TMEM178B: variants seen among roughly 807,000 people sequenced by gnomAD.
TMEM178B encodes the protein transmembrane protein 178B.
In TMEM178B, 5 loss-of-function variants were observed where a neutral mutation model predicts 31.0. That is an observed-to-expected ratio of 0.16 (90% CI 0.08 to 0.34). TMEM178B has a LOEUF of 0.34. TMEM178B is among the 10% of genes least tolerant of loss of function. The probability of loss-of-function intolerance (pLI) is 1.00; values close to 1 mark genes in which losing one functional copy is unlikely to be tolerated. For missense variants in TMEM178B, 275 were observed against 400.3 expected (o/e 0.69, Z 2.67); for synonymous variants, 164 against 164.0 (o/e 1.00, Z 0.00).
intron 3 of TMEM178B, among the ~76,000 whole-genome samples, chr7:141,440,906 A>G (rs555779802): frequency 2.0e-5 from 3 of 152,266 alleles, no homozygotes; most frequent in South Asian, 2.1e-4. Flanking sequence ...TGGGGAAAAA[A>G]CGGATGTCCA....
intron 2 of TMEM178B, among the ~76,000 whole-genome samples, chr7:141,300,609 G>C (rs966802035): frequency 1.1e-4 from 17 of 152,042 alleles, no homozygotes; most frequent in Non-Finnish European, 2.2e-4. Flanking sequence ...TTAGTTTCTC[G>C]GATCCTCCCA....
At chr7:141,506,676 T>A in the TMEM178B span, among the ~76,000 whole-genome samples, 1 of 152,108 alleles carries the variant, frequency 6.6e-6, no homozygotes, top group Non-Finnish European at 1.5e-5. Context: ...CCCTCCCAAA[T>A]CTTATGTCCT....
intron 2 of TMEM178B, among the ~76,000 whole-genome samples, chr7:141,365,619 G>T (rs1422591999): frequency 6.6e-6 from 1 of 152,202 alleles, no homozygotes; most frequent in African/African-American, 2.4e-5. Context: ...AAATGGACTG[G>T]CCTGGCTTAC....
At chr7:141,226,304 C>T (rs1476252192) in intron 2 of TMEM178B, among the ~76,000 whole-genome samples, 3 of 152,072 alleles carry the variant, frequency 2.0e-5, no homozygotes, top group Non-Finnish European at 4.4e-5. Context: ...GACACCAGCC[C>T]CAAGTAGGTA....
At chr7:141,146,834 G>A (rs1020755787) in intron 1 of TMEM178B, among the ~76,000 whole-genome samples, 2 of 152,018 alleles carry the variant, frequency 1.3e-5, no homozygotes, top group East Asian at 1.9e-4. Flanking sequence ...TCCCTAAGCC[G>A]CAGAAGCATG....
intron 1 of TMEM178B, among the ~76,000 whole-genome samples, chr7:141,128,174 G>A (rs975832268): frequency 2.6e-5 from 4 of 152,190 alleles, no homozygotes; most frequent in Admixed American, 2.0e-4. Flanking sequence ...GGTGTAAACT[G>A]GGACTATCCC....
At chr7:141,147,175 A>G (rs1454373305) in intron 1 of TMEM178B, among the ~76,000 whole-genome samples, 2 of 152,154 alleles carry the variant, frequency 1.3e-5, no homozygotes, top group African/African-American at 4.8e-5. Context: ...AAAGATTGGT[A>G]GTAAAACCAA....
Position 141,384,131 on chromosome 7 carries a change from C to T in TMEM178B, c.497-53477C>T, listed in dbSNP as rs549761520. ...TTCCGGATATTAGCCCTTTGTCAGA[C>T]GAGTAGATTGCAAAAATTTTCTCCC... On this transcript the variant is annotated intron_variant, in intron 2 of 3. Transcript: ENST00000565468. Among the ~76,000 whole-genome samples the T allele has an allele frequency of 7.4e-4, 113 of 152,098 alleles. 1 individual carries two copies. The highest frequency in any genetic ancestry group is 3.4e-3 in the Middle Eastern group (1 of 294).
At chr7:141,431,520 G>A (rs1029465416) in intron 2 of TMEM178B, among the ~76,000 whole-genome samples, 18 of 151,896 alleles carry the variant, frequency 1.2e-4, no homozygotes, top group African/African-American at 3.9e-4. Context: ...AAGCATAAAC[G>A]CACCTTTCTC....
intron 1 of TMEM178B, among the ~76,000 whole-genome samples, chr7:141,187,858 G>A (rs1362181847): frequency 6.6e-6 from 1 of 152,224 alleles, no homozygotes; most frequent in Middle Eastern, 3.4e-3. Context: ...TGTCAGATGA[G>A]TAGGTTGCAA....
At chr7:141,262,474 A>AACATATATATATATATAT (rs1798028213) in intron 2 of TMEM178B, among the ~76,000 whole-genome samples, 1 of 131,866 alleles carries the variant, frequency 7.6e-6, no homozygotes, top group African/African-American at 3.0e-5. Context: ...AAATACATAT[A>AACATATATATATATATAT]ATATATATAT....
At chr7:141,187,500 C>T (rs887218665) in intron 1 of TMEM178B, among the ~76,000 whole-genome samples, 2 of 152,040 alleles carry the variant, frequency 1.3e-5, no homozygotes, top group Non-Finnish European at 2.9e-5. Flanking sequence ...AGTTCTAGAT[C>T]CCTGAGGAAT....
At position 141,074,117 on chromosome 7, in the gene TMEM178B, T is replaced by G; in HGVS notation, c.-194T>G. ...GCGGGAGCCTCTCCGGATCAGAACT[T>G]TTTAGGCCGCCCGCCCCCATCCCCG... On this transcript the variant is annotated 5_prime_UTR_variant, in exon 1 of 4. Coordinates refer to ENST00000565468, the MANE Select transcript of TMEM178B (RefSeq NM_001195278.2). The surrounding 1 kb of genome is among the most constrained non-coding windows in gnomAD (Gnocchi z 5.1). 5.2e-6 allele frequency: 4 copies of G among 769,916 alleles called. No individual in the cohort carries two copies. The highest frequency in any genetic ancestry group is 3.3e-5 in the East Asian group (1 of 30,442). The allele number at this position is 769,916 out of a possible 1,614,324, so 47.7% of individuals were successfully genotyped here. A position where few individuals can be genotyped will look rare whatever the true frequency, so the allele number is the denominator to read the frequency against.
intron 2 of TMEM178B, among the ~76,000 whole-genome samples, chr7:141,345,211 T>C (rs1799598035): frequency 6.6e-6 from 1 of 152,188 alleles, no homozygotes; most frequent in Non-Finnish European, 1.5e-5. Context: ...CCTAGTCAGA[T>C]TGGAACAAAT....
chr7:141,454,595 C>CTCCTCTCTG (rs1563187103), intron 3 of TMEM178B, among the ~76,000 whole-genome samples: 1 of 137,208 alleles, frequency 7.3e-6, no homozygotes, highest in Non-Finnish European at 1.5e-5. Context: ...TCTCCTCTCT[C>CTCCTCTCTG]TCCTCTCCTT....
At chr7:141,351,436 G>T (rs954503090) in intron 2 of TMEM178B, among the ~76,000 whole-genome samples, 12 of 152,234 alleles carry the variant, frequency 7.9e-5, no homozygotes, top group African/African-American at 2.4e-4. Context: ...TGGCAGTTTG[G>T]CAGGTTTCTG....
intron 1 of TMEM178B, among the ~76,000 whole-genome samples, chr7:141,089,980 C>T (rs1377632310): frequency 6.6e-6 from 1 of 151,934 alleles, no homozygotes; most frequent in Admixed American, 6.6e-5. Flanking sequence ...GCAAGTTGTG[C>T]ACATGTACCC....
At chr7:141,102,866 C>G (rs982500644) in intron 1 of TMEM178B, among the ~76,000 whole-genome samples, 3 of 152,196 alleles carry the variant, frequency 2.0e-5, no homozygotes, top group Admixed American at 2.0e-4. Context: ...GGCAGGGTAG[C>G]TGGTATGACC....
intron 1 of TMEM178B, among the ~76,000 whole-genome samples, chr7:141,206,724 C>T (rs1396871502): frequency 3.9e-5 from 6 of 152,198 alleles, no homozygotes; most frequent in Non-Finnish European, 8.8e-5. Context: ...TTACACCATC[C>T]TTCACTGGTC....
Sources: gnomAD v4.1 joint callset for allele counts (sites outside exome capture counted in the v4.1 genomes callset) on GRCh38, gnomAD v4.1.1 for gene constraint, Gnocchi (gnomAD v3.1) non-coding constraint, MANE v1.5 for transcripts, NCBI Gene and HGNC (gene_info 2026-07-23, HGNC 2026-07-21) for gene names.